Variants in CDH13 observed in about 807,000 individuals in gnomAD.
CDH13 encodes cadherin 13, also known as cadherin-13.
Under a neutral mutation model 63.8 loss-of-function variants are expected in CDH13, and 24 were observed. That is an observed-to-expected ratio of 0.38 (90% CI 0.27 to 0.53). CDH13 has a LOEUF of 0.53. Ranked by LOEUF, CDH13 falls within the 20% of genes least tolerant of loss-of-function variation. CDH13 has a pLI of 0.85. For missense variants in CDH13, 1,049 were observed against 903.1 expected, an observed-to-expected ratio of 1.16 and a Z score of -2.07; for synonymous variants, 503 against 355.3, an observed-to-expected ratio of 1.42 and a Z score of -4.67.
intron 3 of CDH13, among the ~76,000 whole-genome samples, chr16:83,105,611 C>T (rs898986187): frequency 9.9e-5 from 15 of 151,994 alleles, no homozygotes; most frequent in African/African-American, 3.6e-4. Flanking sequence ...AAAGAGGTTG[C>T]CATGTGATAT....
intron 2 of CDH13, among the ~76,000 whole-genome samples, chr16:83,007,933 G>A (rs79405613): frequency 0.032 from 4,922 of 151,974 alleles, 108 homozygotes; most frequent in Non-Finnish European, 0.045. Flanking sequence ...CATTAAGTCA[G>A]GTTATATTTG....
At position 83,369,740 on chromosome 16, in the gene CDH13, G is replaced by T. The variant is rs117118022; in HGVS notation, c.781+24734G>T. Among the ~76,000 whole-genome samples the T allele has an allele frequency of 2.6e-5, 4 of 152,120 alleles. No homozygotes were observed. In the East Asian group the frequency reaches 5.8e-4, roughly 22 times the overall value. ...ATGACTGTCTTCTTCTAGTCTTGAT[G>T]CCTCTCCTCTCCATCTGTAGACCCC... On this transcript the variant is annotated intron_variant, in intron 6 of 13. Coordinates refer to ENST00000567109, the MANE Select transcript of CDH13 (RefSeq NM_001257.5).
intron 2 of CDH13, among the ~76,000 whole-genome samples, chr16:82,894,808 A>C (rs552054743): frequency 6.6e-6 from 1 of 152,314 alleles, no homozygotes; most frequent in East Asian, 1.9e-4. Flanking sequence ...ATAAAATGAG[A>C]GGCAAGTGAC....
chr16:82,830,993 C>A (rs1567579053), intron 1 of CDH13, among the ~76,000 whole-genome samples: 2 of 152,140 alleles, frequency 1.3e-5, no homozygotes. Flanking sequence ...AGAGCTGAAA[C>A]TGAGCTGAAG....
chr16:82,719,354 C>A (rs150403422), intron 1 of CDH13: 1 of 455,606 alleles, frequency 2.2e-6, no homozygotes, highest in East Asian at 6.9e-5. Flanking sequence ...TCTACATTTT[C>A]TTTGGAGTCA....
chr16:83,751,312 TACACAG>T (rs2150975967), intron 11 of CDH13, among the ~76,000 whole-genome samples: 1 of 152,152 alleles, frequency 6.6e-6, no homozygotes, highest in South Asian at 2.1e-4. Context: ...TTTACAAAGA[TACACAG>T]GCACAGTGGC....
intron 7 of CDH13, among the ~76,000 whole-genome samples, chr16:83,499,546 A>G (rs1467789875): frequency 6.6e-6 from 1 of 152,220 alleles, no homozygotes; most frequent in Non-Finnish European, 1.5e-5. Context: ...CTTCTCTCAT[A>G]TCATTGTTAA....
At chr16:82,680,823 A>G (rs187583215) in intron 1 of CDH13, among the ~76,000 whole-genome samples, 1 of 152,186 alleles carries the variant, frequency 6.6e-6, no homozygotes, top group Non-Finnish European at 1.5e-5. Context: ...TGGAACCAGG[A>G]GATAGAAGGC....
chr16:83,458,927 G>T (rs73601946), intron 6 of CDH13, among the ~76,000 whole-genome samples: 2,826 of 152,250 alleles, frequency 0.019, 72 homozygotes, highest in African/African-American at 0.063. Context: ...TCAAGAGAAG[G>T]GTATATTATT....
intron 5 of CDH13, among the ~76,000 whole-genome samples, chr16:83,251,574 A>G (rs1905535639): frequency 6.6e-6 from 1 of 152,198 alleles, no homozygotes; most frequent in Admixed American, 6.5e-5. Flanking sequence ...AGGTGACTGA[A>G]TCCTGAATGT....
intron 7 of CDH13, among the ~76,000 whole-genome samples, chr16:83,533,428 A>G (rs1462441101): frequency 6.6e-6 from 1 of 152,010 alleles, no homozygotes; most frequent in African/African-American, 2.4e-5. Flanking sequence ...CTCTGTGGGC[A>G]GCAGGTCCCT....
intron 1 of CDH13, among the ~76,000 whole-genome samples, chr16:82,686,750 G>A (rs1276704493): frequency 2.0e-5 from 3 of 152,194 alleles, no homozygotes; most frequent in Non-Finnish European, 4.4e-5. Context: ...GGGAAATAGA[G>A]TGATCAAGAA....
chr16:83,688,447 C>A (rs980412444), intron 10 of CDH13, among the ~76,000 whole-genome samples: 2 of 152,080 alleles, frequency 1.3e-5, no homozygotes, highest in Non-Finnish European at 2.9e-5. Context: ...GGGGTGACTC[C>A]CACCTTTTAA....
Position 83,032,181 on chromosome 16 carries a change from T to G in CDH13, c.329T>G (p.Val110Gly). The change falls in exon 3 of 14, where the codon GTG becomes GGG. Residue 110 changes from valine (V) to glycine (G), a missense_variant. By Grantham distance (109) the Val-to-Gly change is moderately radical. Coordinates refer to ENST00000567109, the MANE Select transcript of CDH13 (RefSeq NM_001257.5). ...CATGCGGAAGATATGGCAGAACTCG[T>G]GATTGTCGGGGGGAAAGACATCCAG... ...TPHAEDMAELVIVGGKDIQGS... is the reference protein window; with the variant it reads ...TPHAEDMAELGIVGGKDIQGS... The G allele has an allele frequency of 6.2e-7, 1 of 1,613,666 alleles. No individual in the cohort carries two copies. The highest frequency in any genetic ancestry group is 8.5e-7 in the Non-Finnish European group (1 of 1,179,724).
chr16:83,782,707 G>T (rs1404818600), intron 12 of CDH13, among the ~76,000 whole-genome samples: 3 of 150,162 alleles, frequency 2.0e-5, no homozygotes, highest in Non-Finnish European at 2.9e-5. Flanking sequence ...CTGCACTCCA[G>T]GCTGGGCAAC....
At chr16:83,650,874 A>C (rs1230174782) in intron 8 of CDH13, among the ~76,000 whole-genome samples, 2 of 152,050 alleles carry the variant, frequency 1.3e-5, no homozygotes, top group African/African-American at 2.4e-5. Context: ...GGAGTTCAAG[A>C]CCAGCCTGGG....
intron 1 of CDH13, among the ~76,000 whole-genome samples, chr16:82,739,522 A>G (rs1260626505): frequency 2.0e-5 from 3 of 152,230 alleles, no homozygotes; most frequent in African/African-American, 7.2e-5. Flanking sequence ...AGAATCATTT[A>G]AACCTACTTA....
At chr16:83,680,476 A>G (rs1463103274) in intron 10 of CDH13, among the ~76,000 whole-genome samples, 1 of 152,130 alleles carries the variant, frequency 6.6e-6, no homozygotes, top group East Asian at 1.9e-4. Flanking sequence ...ACAGGATTCC[A>G]GCCTGGGGAG....
At chr16:82,931,210 C>A (rs373296010) in intron 2 of CDH13, among the ~76,000 whole-genome samples, 179 of 152,314 alleles carry the variant, frequency 1.2e-3, no homozygotes, top group South Asian at 5.8e-3. Context: ...GCATATCTAG[C>A]CTTATTTATC....
Sources: gnomAD v4.1 joint callset for allele counts (sites outside exome capture counted in the v4.1 genomes callset) on GRCh38, gnomAD v4.1.1 for gene constraint, MANE v1.5 for transcripts, NCBI Gene and HGNC (gene_info 2026-07-23, HGNC 2026-07-21) for gene names.